The following CNTNAP3B variants were observed in gnomAD, a reference collection of about 807,000 sequenced individuals.
The protein encoded by CNTNAP3B is contactin associated protein family member 3B.
CNTNAP3B carries 25 observed loss-of-function variants against 108.9 expected under a neutral mutation model. The observed-to-expected ratio is 0.23, with a 90% CI of 0.17 to 0.32. The LOEUF (loss-of-function observed/expected upper bound fraction) is 0.32. Ranked by LOEUF, CNTNAP3B falls within the 10% of genes least tolerant of loss-of-function variation. The pLI, the probability that CNTNAP3B is intolerant of heterozygous loss-of-function variation, is 1.00. For synonymous variants in CNTNAP3B, 103 were observed against 473.4 expected, an observed-to-expected ratio of 0.22 and a Z score of 10.16; for missense variants, 252 against 1,210.4, an observed-to-expected ratio of 0.21 and a Z score of 11.75.
intron 3 of CNTNAP3B, among the ~76,000 whole-genome samples, chr9:42,075,288 C>T (rs1827464169): frequency 6.8e-6 from 1 of 146,036 alleles, no homozygotes; most frequent in South Asian, 2.2e-4. Flanking sequence ...TTCTGAGGTA[C>T]TGGGAGTTAG....
intron 18 of CNTNAP3B, among the ~76,000 whole-genome samples, chr9:41,917,895 C>T (rs201695591): frequency 0.011 from 1,623 of 149,194 alleles, no homozygotes; most frequent in African/African-American, 0.035. Context: ...GTGGAGCTTC[C>T]GTCATACTGA....
intron 3 of CNTNAP3B, among the ~76,000 whole-genome samples, chr9:42,044,578 A>G (rs1826829636): frequency 8.1e-6 from 1 of 123,612 alleles, no homozygotes; most frequent in Admixed American, 8.3e-5. Flanking sequence ...CAAGGAGCGC[A>G]CAGGCTGGGG....
Position 42,088,381 on chromosome 9 carries a change from T to G in CNTNAP3B, c.197-11319A>C, listed in dbSNP as rs1037946625. Among the ~76,000 whole-genome samples, 5 of 137,476 alleles carry G rather than the reference T, an allele frequency of 3.6e-5. 1 individual carries two copies. The highest frequency in any genetic ancestry group is 7.7e-5 in the Non-Finnish European group (5 of 64,538). 90.2% of individuals were successfully genotyped at this position (137,476 alleles called of 152,430 possible). A position where few individuals can be genotyped will look rare whatever the true frequency, so the allele number is the denominator to read the frequency against. On this transcript the variant is annotated intron_variant, in intron 2 of 23. Coordinates refer to ENST00000377561, the MANE Select transcript of CNTNAP3B (RefSeq NM_001201380.3). ...CCAAGAGAATCAGACCAGCCAAATA[T>G]TTCTTGTTCTCATGTCTAATCTATA...
At chr9:41,920,680 C>T (rs1823642843) in intron 17 of CNTNAP3B, among the ~76,000 whole-genome samples, 1 of 152,306 alleles carries the variant, frequency 6.6e-6, no homozygotes, top group South Asian at 2.1e-4. Flanking sequence ...ATTCATCAAA[C>T]ATTATTTTAA....
At chr9:42,045,816 A>G in intron 3 of CNTNAP3B, among the ~76,000 whole-genome samples, 1 of 134,110 alleles carries the variant, frequency 7.5e-6, no homozygotes, top group Non-Finnish European at 1.6e-5. Context: ...TGCATCTTTA[A>G]TATCATCTCG....
chr9:42,051,716 G>T (rs1174883279), intron 3 of CNTNAP3B, among the ~76,000 whole-genome samples: 3 of 143,526 alleles, frequency 2.1e-5, no homozygotes, highest in Non-Finnish European at 1.5e-5. Flanking sequence ...TTTATTGGCC[G>T]TTTAACTTTT....
chr9:41,964,462 G>A (rs1440497492), intron 11 of CNTNAP3B, 76 bp downstream of exon 11: 1 of 1,370,112 alleles, frequency 7.3e-7, no homozygotes, highest in African/African-American at 1.5e-5. Flanking sequence ...CAAATATGCA[G>A]ATACATATAA....
chr9:42,123,421 T>A lies in CNTNAP3B; in HGVS notation c.85+5589A>T, dbSNP rs552137518. 3.2e-5 allele frequency among the ~76,000 whole-genome samples: 4 copies of A among 126,826 alleles called. No homozygotes were observed. In the South Asian group the frequency reaches 1.1e-3, roughly 34 times the overall value. The allele number at this position is 126,826 out of a possible 152,430, so 83.2% of individuals were successfully genotyped here. On this transcript the variant is annotated intron_variant, in intron 1 of 23. Transcript: ENST00000377561. ...GGAGGCAGCTCTGATTGAACAGATATCTAAAACTGATAGGTAATATTTTAG... is the reference window on the plus strand; with the variant it reads ...GGAGGCAGCTCTGATTGAACAGATAACTAAAACTGATAGGTAATATTTTAG...
chr9:41,943,837 C>CAA (rs1447463010), intron 13 of CNTNAP3B, among the ~76,000 whole-genome samples: 8 of 151,920 alleles, frequency 5.3e-5, no homozygotes, highest in Middle Eastern at 3.4e-3. Context: ...AGGTTAAATA[C>CAA]AAAAAAAACC....
intron 2 of CNTNAP3B, among the ~76,000 whole-genome samples, chr9:42,078,641 G>T (rs1181263375): frequency 7.7e-6 from 1 of 129,264 alleles, no homozygotes; most frequent in Non-Finnish European, 1.6e-5. Flanking sequence ...AATCCAGACA[G>T]CTAGGAGGTG....
chr9:41,932,887 A>G (rs1250977719), intron 14 of CNTNAP3B, among the ~76,000 whole-genome samples: 214 of 152,096 alleles, frequency 1.4e-3, no homozygotes, highest in African/African-American at 4.5e-3. Flanking sequence ...CATCTAACCC[A>G]CTTAAAAAAT....
intron 10 of CNTNAP3B, among the ~76,000 whole-genome samples, chr9:41,969,245 T>C (rs1290788879): frequency 6.6e-6 from 1 of 151,358 alleles, no homozygotes; most frequent in Admixed American, 6.6e-5. Context: ...TGTAAAATTA[T>C]GGCACAACTA....
chr9:41,932,651 C>A (rs1376686348), intron 14 of CNTNAP3B, among the ~76,000 whole-genome samples: 4 of 152,162 alleles, frequency 2.6e-5, no homozygotes, highest in Admixed American at 2.0e-4. Flanking sequence ...TCCAGAGTAG[C>A]TGGGATTACA....
chr9:41,934,112 T>TATACACACAC (rs1824070488), intron 14 of CNTNAP3B, among the ~76,000 whole-genome samples: 5 of 126,348 alleles, frequency 4.0e-5, no homozygotes, highest in African/African-American at 6.0e-5. Flanking sequence ...TATATATATA[T>TATACACACAC]ATATATATAT....
chr9:41,948,225 G>T (rs1233703942), intron 13 of CNTNAP3B, among the ~76,000 whole-genome samples: 3 of 143,520 alleles, frequency 2.1e-5, no homozygotes, highest in Non-Finnish European at 3.1e-5. Flanking sequence ...CTGAGTAGCT[G>T]GGATTATAGG....
intron 3 of CNTNAP3B, among the ~76,000 whole-genome samples, chr9:42,043,014 G>A (rs1214738375): frequency 1.3e-5 from 2 of 149,866 alleles, no homozygotes; most frequent in Non-Finnish European, 3.0e-5. Flanking sequence ...CATCATCATA[G>A]CTTATGTTTT....
At chr9:42,019,455 TAC>T (rs1201158979) in intron 3 of CNTNAP3B, among the ~76,000 whole-genome samples, 2 of 80,690 alleles carry the variant, frequency 2.5e-5, no homozygotes, top group Non-Finnish European at 4.8e-5. Flanking sequence ...GAAAGCACGC[TAC>T]AAAGTACTAC....
chr9:41,968,104 A>G (rs1825335612), intron 10 of CNTNAP3B, among the ~76,000 whole-genome samples: 1 of 152,248 alleles, frequency 6.6e-6, no homozygotes, highest in African/African-American at 2.4e-5. Flanking sequence ...TGCACAAAGC[A>G]GGCAAAATGG....
chr9:42,058,190 T>C (rs1253518836), intron 3 of CNTNAP3B, among the ~76,000 whole-genome samples: 8 of 150,170 alleles, frequency 5.3e-5, no homozygotes, highest in African/African-American at 1.5e-4. Flanking sequence ...TACAGATATC[T>C]AAAAGACATA....
Sources: allele counts gnomAD v4.1 joint callset (sites outside exome capture counted in the v4.1 genomes callset), GRCh38; gene constraint gnomAD v4.1.1; transcripts MANE v1.5; gene names NCBI Gene and HGNC (gene_info 2026-07-23, HGNC 2026-07-21).